The following OTOL1 variants were observed in gnomAD, a reference collection of about 807,000 sequenced individuals.
OTOL1 encodes otolin-1.
Under a neutral mutation model 25.0 loss-of-function variants are expected in OTOL1, and 31 were observed. That is an observed-to-expected ratio of 1.24 (90% CI 0.93 to 1.67). The LOEUF is 1.67. Among genes scored for constraint, OTOL1 ranks in the 40% most tolerant of loss-of-function variants. The probability of loss-of-function intolerance (pLI) is 0.00; values close to 1 mark genes in which losing one functional copy is unlikely to be tolerated. For synonymous variants in OTOL1, 225 were observed against 210.3 expected, an observed-to-expected ratio of 1.07 and a Z score of -0.61; for missense variants, 654 against 587.7, an observed-to-expected ratio of 1.11 and a Z score of -1.17.
rs189141556 is a variant in OTOL1, at chr3:161,497,087, C to G, written c.280C>G (p.Pro94Ala). 1.3e-4 allele frequency: 205 copies of G among 1,613,564 alleles called. 1 individual carries two copies. The East Asian group carries it at 4.0e-3, about 31-fold the overall frequency. ...TCCCTTTGAAAACTTCACTCTTGAC[C>G]CAGCTGATTTCTTTTTGAATTGTTG... ...LSPFENFTLD[P>A]ADFFLNCCDC... Residue 94 changes from proline (P) to alanine (A), a missense_variant, in exon 1 of 4, where the codon CCA becomes GCA. Transcript: ENST00000327928.
intron 2 of OTOL1, 141 bp from the exon 3 acceptor site, chr3:161,502,166 C>T (rs1012841207): frequency 8.1e-6 from 6 of 741,482 alleles, no homozygotes; most frequent in Admixed American, 6.9e-5. Flanking sequence ...CCGTGCCTGG[C>T]GTACATTCTT....
In OTOL1 at chr3:161,499,327, T is replaced by C. The variant is rs960702791; in HGVS notation, c.454+67T>C. ...ATCATTTTTCAGGAGAGCAATTTGC[T>C]ACTTAAAGACTAGATTCTTGCAGAT... On this transcript the variant is annotated intron_variant, in intron 2 of 3. Transcript: ENST00000327928. The C allele has an allele frequency of 9.0e-6, 11 of 1,221,538 alleles. No individual in the cohort carries two copies. The African/African-American group carries it at 1.1e-4, about 12-fold the overall frequency. 75.7% of individuals were successfully genotyped at this position (1,221,538 alleles called of 1,614,324 possible).
chr3:161,502,396 T>C (rs1471994817), intron 3 of OTOL1, 27 bp downstream of exon 3: 10 of 1,582,986 alleles, frequency 6.3e-6, no homozygotes, highest in Non-Finnish European at 8.7e-6. Flanking sequence ...ATCTACTGTG[T>C]ACAGTCAGGT....
intron 2 of OTOL1, 74 bp downstream of exon 2, chr3:161,499,334 A>G (rs915137825): frequency 5.9e-5 from 66 of 1,121,734 alleles, no homozygotes; most frequent in Non-Finnish European, 8.1e-5. Context: ...TGCTACTTAA[A>G]GACTAGATTC....
At position 161,503,317 on chromosome 3, in the gene OTOL1, A is replaced by C; in HGVS notation, c.809A>C (p.Asp270Ala). The change falls in exon 4 of 4, where the codon GAC becomes GCC. Residue 270 changes from aspartate (D) to alanine (A), a missense_variant. Transcript: ENST00000327928. The stretch of plus-strand genomic sequence containing the variant: ...AAAGGGGAAAAAGGTAGCAAAGGAG[A>C]CAGTGGAATGGAAGGCAAAAGCGGC... ...GMKGEKGSKG[D>A]SGMEGKSGRN... is the part of the protein sequence containing the mutation. The C allele has an allele frequency of 6.5e-7, 1 of 1,549,826 alleles. No homozygotes were observed. Among genetic ancestry groups the C allele is most frequent in the Non-Finnish European group, 8.7e-7 (1 of 1,151,082 alleles).
Position 161,503,660 on chromosome 3 carries a change from TC to T in OTOL1, c.1154del (p.Pro385LeufsTer12). 6.2e-7 allele frequency: 1 copy of T among 1,613,814 alleles called. No homozygotes were observed. The highest frequency in any genetic ancestry group is 2.2e-5 in the East Asian group (1 of 44,840). On this transcript the variant is annotated frameshift_variant, in exon 4 of 4. Transcript: ENST00000327928. LOFTEE classifies it high-confidence loss of function. ...PVTGKFNCSI[P>X]GTYVFSYHIT... ...TCACTGGGAAGTTTAACTGCTCTATTCCTGGGACATATGTTTTTTCCTACCA... is the reference window on the plus strand; with the variant it reads ...TCACTGGGAAGTTTAACTGCTCTATTCTGGGACATATGTTTTTTCCTACCA...
chr3:161,503,752 C>G lies in OTOL1; in HGVS notation c.1244C>G (p.Ser415Cys). 1 of 1,613,838 alleles carries G rather than the reference C, an allele frequency of 6.2e-7. No individual in the cohort carries two copies. Among genetic ancestry groups the G allele is most frequent in the South Asian group, 1.1e-5 (1 of 91,066 alleles). ...LVAQNKKQFK[S>C]RETLYGQEID... ...GCCCAGAATAAGAAGCAGTTCAAGT[C>G]CAGAGAAACTCTCTATGGTCAGGAA... Residue 415 changes from serine (S) to cysteine (C), a missense_variant, in exon 4 of 4, where the codon TCC (serine) becomes TGC (cysteine). Transcript: ENST00000327928.
intron 1 of OTOL1, among the ~76,000 whole-genome samples, 197 bp from the exon 2 acceptor site, chr3:161,498,974 T>C (rs1331765014): frequency 6.6e-6 from 1 of 152,204 alleles, no homozygotes; most frequent in East Asian, 1.9e-4. Context: ...TCTCAATTTA[T>C]CTATTCAGGT....
chr3:161,502,206 T>C (rs1415359193), intron 2 of OTOL1, 101 bp from the exon 3 acceptor site: 1 of 1,058,160 alleles, frequency 9.5e-7, no homozygotes, highest in Non-Finnish European at 1.4e-6. Context: ...TAGCCCATTT[T>C]GGTTAAAGAA....
intron 2 of OTOL1, among the ~76,000 whole-genome samples, chr3:161,500,893 T>C (rs1718958862): frequency 6.6e-6 from 1 of 152,204 alleles, no homozygotes; most frequent in East Asian, 1.9e-4. Flanking sequence ...CTCTAGTTGA[T>C]CTTGTGAAAC....
Position 161,503,523 on chromosome 3 carries a change from A to G in OTOL1, c.1015A>G (p.Arg339Gly), listed in dbSNP as rs1719031442. Residue 339 changes from arginine (R) to glycine (G), a missense_variant, in exon 4 of 4, where the codon AGA becomes GGA. By Grantham distance (125) the Arg-to-Gly change is moderately radical (BLOSUM62 -2). Transcript: ENST00000327928. Reference sequence around the variant, plus strand: ...TAAAGGCTCCAAGGGTGAGTTGGCTAGAGTGCCCCGGTCGGCTTTCAGCGC... The same window carrying G: ...TAAAGGCTCCAAGGGTGAGTTGGCTGGAGTGCCCCGGTCGGCTTTCAGCGC... ...GFKGSKGELA[R>G]VPRSAFSAGL... The G allele has an allele frequency of 6.2e-7, 1 of 1,613,720 alleles. No homozygotes were observed. The highest frequency in any genetic ancestry group is 1.3e-5 in the African/African-American group (1 of 74,898).
At chr3:161,502,495 A>ATAAT (rs1718998712) in intron 3 of OTOL1, 126 bp downstream of exon 3, 2 of 832,632 alleles carry the variant, frequency 2.4e-6, no homozygotes, top group Non-Finnish European at 3.9e-6. Flanking sequence ...TATTCTTCTA[A>ATAAT]TAATTCAGTG....
chr3:161,498,243 G>C (rs1310419392), intron 1 of OTOL1, among the ~76,000 whole-genome samples: 3 of 152,286 alleles, frequency 2.0e-5, no homozygotes, highest in Non-Finnish European at 4.4e-5. Context: ...ACAGCTGGTT[G>C]CTAAACTATT....
At chr3:161,500,725 G>A (rs1248505436) in intron 2 of OTOL1, among the ~76,000 whole-genome samples, 1 of 152,146 alleles carries the variant, frequency 6.6e-6, no homozygotes, top group Non-Finnish European at 1.5e-5. Flanking sequence ...GAATACAATC[G>A]GCTCTTCCCT....
chr3:161,503,332 G>T lies in OTOL1; in HGVS notation c.824G>T (p.Gly275Val). The T allele has an allele frequency of 6.4e-7, 1 of 1,570,854 alleles. No individual in the cohort carries two copies. The highest frequency in any genetic ancestry group is 8.6e-7 in the Non-Finnish European group (1 of 1,161,100). Residue 275 changes from glycine to valine, a missense_variant, in exon 4 of 4, where the codon GGC (glycine) becomes GTC (valine). By Grantham distance (109) the Gly-to-Val change is moderately radical (BLOSUM62 -3). Coordinates refer to ENST00000327928, the MANE Select transcript of OTOL1 (RefSeq NM_001080440.1). ...AGCAAAGGAGACAGTGGAATGGAAG[G>T]CAAAAGCGGCCGTAATGGTCTGCCT... The part of the protein sequence containing the change: ...KGSKGDSGME[G>V]KSGRNGLPGA...
At chr3:161,501,545 GT>G (rs11344876) in intron 2 of OTOL1, among the ~76,000 whole-genome samples, 48,356 of 151,212 alleles carry the variant, frequency 0.32, 7,911 homozygotes, top group Middle Eastern at 0.34. Flanking sequence ...ATAAAGAACA[GT>G]TTTTTTTCCC....
chr3:161,501,156 T>A (rs2108229385), intron 2 of OTOL1, among the ~76,000 whole-genome samples: 1 of 152,300 alleles, frequency 6.6e-6, no homozygotes, highest in Admixed American at 6.5e-5. Flanking sequence ...TATAAACTTT[T>A]GTGAATTTGA....
chr3:161,502,896 A>G (rs531682899), intron 3 of OTOL1, 130 bp from the exon 4 acceptor site: 257 of 594,990 alleles, frequency 4.3e-4, no homozygotes, highest in Non-Finnish European at 6.3e-4. Flanking sequence ...AAGTGTGCAC[A>G]GTTTTTACTG....
In OTOL1 at chr3:161,499,208, G is replaced by A; in HGVS notation, c.402G>A (p.Gly134=). Residue 134 remains glycine (G), a synonymous_variant, in exon 2 of 4, where the codon GGG becomes GGA. Coordinates refer to ENST00000327928, the MANE Select transcript of OTOL1 (RefSeq NM_001080440.1). ...KGEAGNLGIP[G]PPGVVGPQGP... ...AGGCTGGAAATTTGGGGATCCCAGG[G>A]CCACCAGGAGTTGTTGGGCCCCAAG... 6.2e-7 allele frequency: 1 copy of A among 1,611,484 alleles called. No homozygotes were observed. The highest frequency in any genetic ancestry group is 8.5e-7 in the Non-Finnish European group (1 of 1,178,956).
Sources: allele counts gnomAD v4.1 joint callset (sites outside exome capture counted in the v4.1 genomes callset), GRCh38; gene constraint gnomAD v4.1.1; transcripts MANE v1.5; gene names NCBI Gene and HGNC (gene_info 2026-07-23, HGNC 2026-07-21).